The following SUFU variants were observed in gnomAD, a reference collection of about 807,000 sequenced individuals.
SUFU encodes SUFU negative regulator of hedgehog signaling, also known as suppressor of fused homolog.
SUFU carries 7 observed loss-of-function variants against 58.9 expected under a neutral mutation model. The observed-to-expected ratio is 0.12, with a 90% confidence interval of 0.07 to 0.22. The LOEUF (loss-of-function observed/expected upper bound fraction) is 0.22, where lower values mean the gene tolerates loss of function less well. Ranked by LOEUF, SUFU falls within the 10% of genes least tolerant of loss-of-function variation. SUFU has a pLI of 1.00. For missense variants in SUFU, 451 were observed against 641.3 expected (o/e 0.70, Z 3.20); for synonymous variants, 232 against 254.8 (o/e 0.91, Z 0.85).
At chr10:102,579,295 G>A (rs1334630128) in intron 3 of SUFU, among the ~76,000 whole-genome samples, 2 of 152,218 alleles carry the variant, frequency 1.3e-5, no homozygotes, top group Admixed American at 6.5e-5. Context: ...CACAGGGTGA[G>A]TGTCAGGTCC....
intron 8 of SUFU, among the ~76,000 whole-genome samples, chr10:102,610,325 G>A (rs371650106): frequency 3.3e-4 from 49 of 148,992 alleles, no homozygotes; most frequent in Non-Finnish European, 4.8e-4. Flanking sequence ...CCTGGGAGGC[G>A]GAGGTTGCAG....
intron 3 of SUFU, among the ~76,000 whole-genome samples, chr10:102,565,824 G>A (rs560924864): frequency 1.2e-4 from 18 of 152,182 alleles, no homozygotes; most frequent in Non-Finnish European, 2.5e-4. Context: ...GGGATTACAA[G>A]CGTGAGCCAC....
chr10:102,613,486 A>T (rs2063647600), intron 8 of SUFU, among the ~76,000 whole-genome samples: 1 of 152,148 alleles, frequency 6.6e-6, no homozygotes, highest in African/African-American at 2.4e-5. Context: ...TCCCCTGGGG[A>T]GGTGCCCTGC....
chr10:102,621,406 G>A (rs2063739207), intron 10 of SUFU, among the ~76,000 whole-genome samples: 1 of 152,224 alleles, frequency 6.6e-6, no homozygotes, highest in African/African-American at 2.4e-5. Context: ...GCCAGAGCAG[G>A]AGTCTGAGCC....
intron 2 of SUFU, among the ~76,000 whole-genome samples, chr10:102,535,497 AAG>A (rs1554844694): frequency 2.7e-5 from 4 of 149,676 alleles, no homozygotes; most frequent in Non-Finnish European, 4.5e-5. Flanking sequence ...AAAAAAAAAA[AAG>A]AGAAAGAAAA....
intron 10 of SUFU, chr10:102,618,979 TAATGTTCAAGCAC>T: frequency 2.0e-6 from 2 of 999,100 alleles, no homozygotes; most frequent in Non-Finnish European, 3.2e-6. Flanking sequence ...TGTGTGTGTG[TAATGTTCAAGCAC>T]GTTTTCCTGG....
In SUFU at chr10:102,617,139, C is replaced by G; in HGVS notation, c.1158-151C>G. On this transcript the variant is annotated intron_variant, in intron 9 of 11. Transcript: ENST00000369902. This position sits in a 1 kb window ranked among gnomAD's most constrained non-coding sequence, Gnocchi z 4.4. ...TGAAATGAGCGTGTTTGGATACAGT[C>G]CCCTGTTGATGGGCAGGTGGGCAGC... The G allele has an allele frequency of 1.1e-6, 1 of 870,434 alleles. No individual in the cohort carries two copies. Among genetic ancestry groups the G allele is most frequent in the Admixed American group, 2.0e-5 (1 of 49,620 alleles). 53.9% of individuals were successfully genotyped at this position (870,434 alleles called of 1,614,324 possible).
chr10:102,601,285 CA>C (rs1244166471), intron 8 of SUFU, among the ~76,000 whole-genome samples: 3 of 152,144 alleles, frequency 2.0e-5, no homozygotes, highest in African/African-American at 4.8e-5. Context: ...CAATGGGGCA[CA>C]AGGCTCTGTG....
At chr10:102,578,056 C>T (rs1042813071) in intron 3 of SUFU, among the ~76,000 whole-genome samples, 1 of 149,802 alleles carries the variant, frequency 6.7e-6, no homozygotes, top group Non-Finnish European at 1.5e-5. Flanking sequence ...GCCTGTAATC[C>T]CAGTACTTTG....
intron 6 of SUFU, among the ~76,000 whole-genome samples, chr10:102,596,433 C>T (rs2063462154): frequency 6.6e-6 from 1 of 152,154 alleles, no homozygotes; most frequent in Non-Finnish European, 1.5e-5. Flanking sequence ...TTGTACTCAG[C>T]AGTACCAAGG....
chr10:102,529,545 G>A (rs1410934986), intron 2 of SUFU, among the ~76,000 whole-genome samples: 5 of 152,146 alleles, frequency 3.3e-5, no homozygotes, highest in Non-Finnish European at 7.3e-5. Flanking sequence ...AGGCCTAGGC[G>A]GGTGGATCAC....
chr10:102,604,628 G>T (rs1051383649), intron 8 of SUFU, among the ~76,000 whole-genome samples: 2 of 152,158 alleles, frequency 1.3e-5, no homozygotes, highest in African/African-American at 4.8e-5. Context: ...AAGGCTCAAA[G>T]GTAAGAGCTA....
At chr10:102,582,651 T>C (rs890007332) in intron 3 of SUFU, among the ~76,000 whole-genome samples, 8 of 152,166 alleles carry the variant, frequency 5.3e-5, no homozygotes, top group Admixed American at 4.6e-4. Context: ...GTGAGCAAGG[T>C]GTAGAACTGT....
At chr10:102,555,309 G>T (rs1590024322) in intron 3 of SUFU, among the ~76,000 whole-genome samples, 1 of 147,702 alleles carries the variant, frequency 6.8e-6, no homozygotes. Flanking sequence ...GGATCAAGAT[G>T]GACACCTTGG....
chr10:102,599,826 T>G (rs1361922695), intron 8 of SUFU, among the ~76,000 whole-genome samples: 2 of 152,198 alleles, frequency 1.3e-5, no homozygotes, highest in Admixed American at 6.5e-5. Flanking sequence ...GAAATCTGAC[T>G]TGGGGCCTCC....
intron 1 of SUFU, among the ~76,000 whole-genome samples, chr10:102,505,112 T>C (rs1293765793): frequency 2.0e-5 from 3 of 152,032 alleles, no homozygotes; most frequent in Non-Finnish European, 4.4e-5. Context: ...CCACCTCCAG[T>C]TGGAAATAAA....
At chr10:102,565,726 T>C (rs1451188169) in intron 3 of SUFU, among the ~76,000 whole-genome samples, 1 of 152,132 alleles carries the variant, frequency 6.6e-6, no homozygotes, top group African/African-American at 2.4e-5. Flanking sequence ...TTTTGTATTT[T>C]TAGTAGAGAT....
In SUFU at chr10:102,631,519, G is replaced by A. The variant is rs1213079969; in HGVS notation, c.*1364G>A. The A allele has an allele frequency of 8.6e-6, 2 of 233,424 alleles. No individual in the cohort carries two copies. Among genetic ancestry groups the A allele is most frequent in the Non-Finnish European group, 1.7e-5 (2 of 118,288 alleles). The allele number at this position is 233,424 out of a possible 1,614,324, so 14.5% of individuals were successfully genotyped here. On this transcript the variant is annotated 3_prime_UTR_variant, in exon 12 of 12. Transcript: ENST00000369902. ...CTTCTTACCCCCAACTCTAGGGATG[G>A]GACTGTTACAATACTTCAAGATCAC...
At chr10:102,505,830 T>C (rs974935207) in intron 1 of SUFU, among the ~76,000 whole-genome samples, 37 of 152,292 alleles carry the variant, frequency 2.4e-4, no homozygotes, top group African/African-American at 8.4e-4. Context: ...CAGCTCTTGC[T>C]AGCTTAATGA....
Sources: allele counts gnomAD v4.1 joint callset (sites outside exome capture counted in the v4.1 genomes callset), GRCh38; gene constraint gnomAD v4.1.1; non-coding constraint Gnocchi (gnomAD v3.1); transcripts MANE v1.5; gene names NCBI Gene and HGNC (gene_info 2026-07-23, HGNC 2026-07-21).